TRPC4: variants seen among roughly 807,000 people sequenced by gnomAD.
TRPC4 encodes transient receptor potential cation channel subfamily C member 4, also known as short transient receptor potential channel 4.
TRPC4 carries 49 observed loss-of-function variants against 99.4 expected under a neutral mutation model. The observed-to-expected ratio is 0.49, with a 90% CI of 0.39 to 0.63. TRPC4 has a LOEUF of 0.63. Among genes scored for constraint, TRPC4 ranks in the 20% least tolerant of loss-of-function variants. The pLI is 0.00. For missense variants in TRPC4, 898 were observed against 1,152.9 expected, an observed-to-expected ratio of 0.78 and a Z score of 3.20; for synonymous variants, 454 against 425.9, an observed-to-expected ratio of 1.07 and a Z score of -0.81.
intron 1 of TRPC4, among the ~76,000 whole-genome samples, chr13:37,783,935 TG>T (rs1956909508): frequency 6.6e-6 from 1 of 152,000 alleles, no homozygotes; most frequent in South Asian, 2.1e-4. Context: ...CTCGAACTCC[TG>T]GGCTCAAGAG....
intron 3 of TRPC4, among the ~76,000 whole-genome samples, chr13:37,725,972 C>T (rs930603175): frequency 2.0e-5 from 3 of 151,942 alleles, no homozygotes; most frequent in Non-Finnish European, 2.9e-5. Context: ...CTGAGGCAGG[C>T]GGATCACAAG....
intron 1 of TRPC4, among the ~76,000 whole-genome samples, chr13:37,857,272 G>T (rs981772089): frequency 7.9e-5 from 12 of 151,034 alleles, no homozygotes; most frequent in African/African-American, 1.9e-4. Flanking sequence ...AATTAAAAAG[G>T]ACACCAAAAA....
chr13:37,753,800 C>T (rs796944776), intron 2 of TRPC4, among the ~76,000 whole-genome samples: 6 of 152,210 alleles, frequency 3.9e-5, no homozygotes, highest in African/African-American at 1.4e-4. Flanking sequence ...CAAATTTGCA[C>T]GTTCTAGCAC....
intron 3 of TRPC4, among the ~76,000 whole-genome samples, chr13:37,745,117 A>G (rs1309462268): frequency 6.6e-6 from 1 of 152,038 alleles, no homozygotes; most frequent in African/African-American, 2.4e-5. Flanking sequence ...ACAATACCAT[A>G]TAATTTACTA....
intron 8 of TRPC4, among the ~76,000 whole-genome samples, chr13:37,642,748 T>C (rs1403073135): frequency 2.0e-5 from 3 of 151,182 alleles, no homozygotes; most frequent in Non-Finnish European, 3.0e-5. Flanking sequence ...TTTTTTTTTT[T>C]TTTTTTGAGA....
chr13:37,727,766 AAC>A (rs1371161610), intron 3 of TRPC4, among the ~76,000 whole-genome samples: 1 of 152,038 alleles, frequency 6.6e-6, no homozygotes, highest in African/African-American at 2.4e-5. Flanking sequence ...GAGGAATATG[AAC>A]AGTCACATGC....
chr13:37,832,003 G>A (rs1284721205), intron 1 of TRPC4, among the ~76,000 whole-genome samples: 1 of 152,024 alleles, frequency 6.6e-6, no homozygotes, highest in Non-Finnish European at 1.5e-5. Flanking sequence ...ACAATGTGTT[G>A]TATATTTCAA....
At chr13:37,711,348 C>G (rs772242615) in intron 3 of TRPC4, among the ~76,000 whole-genome samples, 7 of 151,812 alleles carry the variant, frequency 4.6e-5, no homozygotes, top group Non-Finnish European at 8.8e-5. Flanking sequence ...ATGGTATAAG[C>G]AATGATAGTA....
chr13:37,805,139 A>G (rs149225262), intron 1 of TRPC4, among the ~76,000 whole-genome samples: 164 of 152,136 alleles, frequency 1.1e-3, no homozygotes, highest in Non-Finnish European at 1.2e-3. Context: ...CAGATTCCCA[A>G]CATATCTCCT....
chr13:37,669,686 C>G (rs1952769593), intron 5 of TRPC4, among the ~76,000 whole-genome samples: 1 of 152,052 alleles, frequency 6.6e-6, no homozygotes, highest in African/African-American at 2.4e-5. Flanking sequence ...CAGAAACATT[C>G]TATTATGTTT....
chr13:37,642,878 A>G (rs2138555303), intron 8 of TRPC4, among the ~76,000 whole-genome samples: 1 of 151,918 alleles, frequency 6.6e-6, no homozygotes, highest in African/African-American at 2.4e-5. Flanking sequence ...TTACAGGTGC[A>G]TGGCACCACG....
At chr13:37,684,592 A>G (rs185123994) in intron 4 of TRPC4, among the ~76,000 whole-genome samples, 1 of 152,242 alleles carries the variant, frequency 6.6e-6, no homozygotes, top group Non-Finnish European at 1.5e-5. Flanking sequence ...GAAGACAAGG[A>G]ATAAATATTT....
rs546895496 is a variant in TRPC4 at position 37,824,664 on chromosome 13, A to T, written c.-27-41304T>A. Among the ~76,000 whole-genome samples, 80 of 152,192 alleles carry T rather than the reference A, an allele frequency of 5.3e-4. No homozygotes were observed. In the East Asian group the frequency reaches 0.013, roughly 25 times the overall value. On this transcript the variant is annotated intron_variant, in intron 1 of 10. Coordinates refer to ENST00000379705, the MANE Select transcript of TRPC4 (RefSeq NM_016179.4). ...GATAAGCTTTTTGATGTGCTGCTGG[A>T]TTCGGTTTGCCATTATTTTATTGAG...
At chr13:37,813,776 C>T (rs1308059033) in intron 1 of TRPC4, among the ~76,000 whole-genome samples, 1 of 151,730 alleles carries the variant, frequency 6.6e-6, no homozygotes, top group Admixed American at 6.6e-5. Flanking sequence ...ATAAATTCTA[C>T]CAAATGTTTC....
At position 37,868,510 on chromosome 13, in the gene TRPC4, T is replaced by C. The variant is rs370985958; in HGVS notation, c.-28+1085A>G. Among the ~76,000 whole-genome samples, 3 of 152,210 alleles carry C rather than the reference T, an allele frequency of 2.0e-5. No homozygotes were observed. The South Asian group carries it at 6.2e-4, about 31-fold the overall frequency. ...ACCAAAAAACCCTCCAGTAAACCTT[T>C]TGCTTAAAGAATTTGTAATATTCTT... On this transcript the variant is annotated intron_variant, in intron 1 of 10. Coordinates refer to ENST00000379705, the MANE Select transcript of TRPC4 (RefSeq NM_016179.4).
chr13:37,842,714 G>A (rs1958779597), intron 1 of TRPC4, among the ~76,000 whole-genome samples: 1 of 152,252 alleles, frequency 6.6e-6, no homozygotes, highest in South Asian at 2.1e-4. Flanking sequence ...GACCCCTCAT[G>A]ACCCAATAAC....
intron 1 of TRPC4, among the ~76,000 whole-genome samples, chr13:37,843,533 A>G (rs1025481214): frequency 6.6e-6 from 1 of 152,208 alleles, no homozygotes; most frequent in Non-Finnish European, 1.5e-5. Flanking sequence ...AAGATATTAC[A>G]TTTAGTATGT....
intron 3 of TRPC4, among the ~76,000 whole-genome samples, chr13:37,737,004 A>G (rs1955417658): frequency 1.3e-5 from 2 of 150,298 alleles, no homozygotes; most frequent in Non-Finnish European, 2.9e-5. Context: ...AAGTGCTGGG[A>G]TTACAGATGT....
intron 2 of TRPC4, among the ~76,000 whole-genome samples, chr13:37,755,164 T>C (rs1956064597): frequency 6.6e-6 from 1 of 152,074 alleles, no homozygotes; most frequent in South Asian, 2.1e-4. Flanking sequence ...ATTCAGTTTT[T>C]ATAAAATAGT....
Sources: gnomAD v4.1 joint callset for allele counts (sites outside exome capture counted in the v4.1 genomes callset) on GRCh38, gnomAD v4.1.1 for gene constraint, MANE v1.5 for transcripts, NCBI Gene and HGNC (gene_info 2026-07-23, HGNC 2026-07-21) for gene names.